NCOA6: variants seen among roughly 807,000 people sequenced by gnomAD.
NCOA6 encodes the protein nuclear receptor coactivator 6.
A neutral mutation model predicts 171.4 loss-of-function variants in NCOA6; 49 were observed. The observed-to-expected ratio is 0.29, with a 90% CI of 0.23 to 0.36. The LOEUF (loss-of-function observed/expected upper bound fraction) is 0.36. NCOA6 is among the 10% of genes least tolerant of loss of function. NCOA6 has a pLI of 1.00. For synonymous variants in NCOA6, 910 were observed against 927.5 expected, an observed-to-expected ratio of 0.98 and a Z score of 0.34; for missense variants, 2,248 against 2,554.5, an observed-to-expected ratio of 0.88 and a Z score of 2.59.
intron 9 of NCOA6, among the ~76,000 whole-genome samples, chr20:34,747,405 CAAAG>C (rs765257300): frequency 2.0e-5 from 3 of 152,114 alleles, no homozygotes; most frequent in Non-Finnish European, 2.9e-5. Flanking sequence ...ATTCAGAGAA[CAAAG>C]AAAGATTGAG....
intron 2 of NCOA6, among the ~76,000 whole-genome samples, chr20:34,783,287 A>T (rs932387492): frequency 1.3e-5 from 2 of 152,190 alleles, no homozygotes; most frequent in Non-Finnish European, 2.9e-5. Context: ...GTCTCAAAAA[A>T]AAAAGGGGGT....
chr20:34,745,035 G>A (rs1170250198), intron 10 of NCOA6, among the ~76,000 whole-genome samples: 1 of 152,206 alleles, frequency 6.6e-6, no homozygotes, highest in Non-Finnish European at 1.5e-5. Flanking sequence ...GACAGATTGG[G>A]GCTGACGTGA....
At chr20:34,795,010 GA>G (rs1400962499) in intron 1 of NCOA6, among the ~76,000 whole-genome samples, 1 of 152,160 alleles carries the variant, frequency 6.6e-6, no homozygotes, top group Non-Finnish European at 1.5e-5. Flanking sequence ...TAAAGAGAAA[GA>G]AATAAGCAAT....
In NCOA6 at chr20:34,741,738, T is replaced by G; in HGVS notation, c.4518A>C (p.Lys1506Asn). 6.2e-7 allele frequency: 1 copy of G among 1,613,584 alleles called. No homozygotes were observed. The highest frequency in any genetic ancestry group is 8.5e-7 in the Non-Finnish European group (1 of 1,179,882). The change falls in exon 11 of 15, where the codon AAA (lysine) becomes AAC (asparagine). Residue 1506 changes from lysine to asparagine, a missense_variant. Physicochemically the swap from Lys to Asn is moderately conservative, Grantham distance 94 (BLOSUM62 0). Transcript: ENST00000359003. Reference protein sequence around the residue: ...DNSGAPNVTIKPPGLTDLEVT... With the variant: ...DNSGAPNVTINPPGLTDLEVT... ...CTTCCAGATCTGTAAGCCCAGGGGG[T>G]TTAATTGTCACATTGGGAGCTCCAG...
chr20:34,780,802 T>G (rs574440282), intron 3 of NCOA6, among the ~76,000 whole-genome samples: 1 of 152,050 alleles, frequency 6.6e-6, no homozygotes, highest in Non-Finnish European at 1.5e-5. Context: ...TACAGGTGCA[T>G]GCCAACATAC....
At chr20:34,762,441 T>A (rs2076846265) in intron 5 of NCOA6, among the ~76,000 whole-genome samples, 2 of 152,170 alleles carry the variant, frequency 1.3e-5, no homozygotes, top group Non-Finnish European at 2.9e-5. Context: ...TAGTATATTT[T>A]GATTTTTTTG....
At chr20:34,738,884 C>T (rs1357239597) in intron 11 of NCOA6, 1 of 455,944 alleles carries the variant, frequency 2.2e-6, no homozygotes, top group Non-Finnish European at 4.4e-6. Flanking sequence ...CTTTCTGCCT[C>T]TCCTCCTGGG....
In NCOA6 at chr20:34,763,653, T is replaced by C. The variant is rs114912192; in HGVS notation, c.515-4720A>G. Among the ~76,000 whole-genome samples, 612 of 152,296 alleles carry C rather than the reference T, an allele frequency of 4.0e-3. 2 individuals carry two copies. Among genetic ancestry groups the C allele is most frequent in the African/African-American group, 0.014 (584 of 41,558 alleles). Reference sequence around the variant, plus strand: ...TCAACAGTTATCACCAGTCTAGACCTACCTAATGTTAATGACTTAGCCTGG... The same window carrying C: ...TCAACAGTTATCACCAGTCTAGACCCACCTAATGTTAATGACTTAGCCTGG... On this transcript the variant is annotated intron_variant, in intron 5 of 14. Transcript: ENST00000359003.
At chr20:34,781,827 T>C (rs2077523338) in intron 3 of NCOA6, among the ~76,000 whole-genome samples, 1 of 152,132 alleles carries the variant, frequency 6.6e-6, no homozygotes, top group Non-Finnish European at 1.5e-5. Flanking sequence ...GTAAGGAAAA[T>C]GAAAACCAGA....
At chr20:34,814,533 A>G (rs2078769163) in intron 1 of NCOA6, among the ~76,000 whole-genome samples, 1 of 152,220 alleles carries the variant, frequency 6.6e-6, no homozygotes, top group African/African-American at 2.4e-5. Flanking sequence ...TTAAATTTGT[A>G]AAGACTGTAT....
chr20:34,762,592 T>G (rs1017760150), intron 5 of NCOA6, among the ~76,000 whole-genome samples: 3 of 152,220 alleles, frequency 2.0e-5, no homozygotes, highest in Admixed American at 1.3e-4. Context: ...TCCATTCATA[T>G]TATTTTACTG....
chr20:34,745,221 G>C (rs2076268483), intron 10 of NCOA6, among the ~76,000 whole-genome samples: 1 of 152,236 alleles, frequency 6.6e-6, no homozygotes. Flanking sequence ...CCAAACTGCA[G>C]AGCAGATGCC....
intron 14 of NCOA6, among the ~76,000 whole-genome samples, chr20:34,719,868 C>T (rs899831892): frequency 1.3e-5 from 2 of 152,182 alleles, no homozygotes; most frequent in African/African-American, 2.4e-5. Context: ...TTTTCTCCCA[C>T]GACATTATAA....
intron 5 of NCOA6, among the ~76,000 whole-genome samples, chr20:34,761,731 C>T (rs1367545769): frequency 6.6e-6 from 1 of 152,022 alleles, no homozygotes; most frequent in Non-Finnish European, 1.5e-5. Flanking sequence ...TCTTGACTCA[C>T]CACAACCTCT....
chr20:34,719,454 A>C (rs987195686), intron 14 of NCOA6, among the ~76,000 whole-genome samples: 1 of 152,080 alleles, frequency 6.6e-6, no homozygotes, highest in African/African-American at 2.4e-5. Flanking sequence ...AACAAGGCGA[A>C]ACCCCATCTC....
In NCOA6 at chr20:34,749,463, G is replaced by A; in HGVS notation, c.2732C>T (p.Ala911Val). The A allele has an allele frequency of 6.2e-7, 1 of 1,613,820 alleles. No individual in the cohort carries two copies. The highest frequency in any genetic ancestry group is 8.5e-7 in the Non-Finnish European group (1 of 1,179,892). Residue 911 changes from alanine (A) to valine (V), a missense_variant, in exon 9 of 15, where the codon GCA (alanine) becomes GTA (valine). Around this residue, in one of 7 missense-constraint regions of NCOA6, gnomAD observed 352 missense variants for 419.1 expected, o/e 0.84. Coordinates refer to ENST00000359003, the MANE Select transcript of NCOA6 (RefSeq NM_014071.5). ...GGGTTTCTTCTTCTTCGGTTTATTT[G>A]CGTTGGTATTATTTTGCTTATTGTT... ...GVNNKQNNTN[A>V]NKPKKKKPPR...
intron 14 of NCOA6, among the ~76,000 whole-genome samples, chr20:34,720,595 A>G (rs1989198744): frequency 6.6e-6 from 1 of 152,256 alleles, no homozygotes; most frequent in African/African-American, 2.4e-5. Context: ...AGAGATTTTC[A>G]TGAAAAACAC....
chr20:34,805,229 G>T (rs2078408744), intron 1 of NCOA6, among the ~76,000 whole-genome samples: 1 of 152,012 alleles, frequency 6.6e-6, no homozygotes, highest in African/African-American at 2.4e-5. Context: ...TTTTAGTAGA[G>T]ATGAGGTTTT....
chr20:34,768,357 A>G (rs868774201), intron 5 of NCOA6, 107 bp downstream of exon 5: 1 of 1,383,574 alleles, frequency 7.2e-7, no homozygotes, highest in Non-Finnish European at 9.9e-7. Context: ...GCAAATAGAG[A>G]TGTTAAGTAT....
Sources: gnomAD v4.1 joint callset for allele counts (sites outside exome capture counted in the v4.1 genomes callset) on GRCh38, gnomAD v4.1.1 for gene constraint, gnomAD v4.1.1 regional missense constraint, MANE v1.5 for transcripts, NCBI Gene and HGNC (gene_info 2026-07-23, HGNC 2026-07-21) for gene names.